SH3RF2: variants seen among roughly 807,000 people sequenced by gnomAD.
SH3RF2 encodes E3 ubiquitin-protein ligase SH3RF2.
Under a neutral mutation model 59.0 loss-of-function variants are expected in SH3RF2, and 43 were observed. That is an observed-to-expected ratio of 0.73 (90% CI 0.57 to 0.94). The LOEUF is 0.94. Among genes scored for constraint, SH3RF2 ranks in the 40% least tolerant of loss-of-function variants. The pLI, the probability that SH3RF2 is intolerant of heterozygous loss-of-function variation, is 0.00. For synonymous variants in SH3RF2, 391 were observed against 391.5 expected, an observed-to-expected ratio of 1.00 and a Z score of 0.01; for missense variants, 930 against 940.1, an observed-to-expected ratio of 0.99 and a Z score of 0.14.
rs769139489 is a variant in SH3RF2, at chr5:146,049,077, T to C, written c.1154T>C (p.Phe385Ser). Residue 385 changes from phenylalanine to serine, a missense_variant and splice_region_variant, in exon 7 of 10, where the codon TTT becomes TCT. Physicochemically the swap from Phe to Ser is radical, Grantham distance 155. Coordinates refer to ENST00000359120, the MANE Select transcript of SH3RF2 (RefSeq NM_152550.4). ...GSQQHLSANMFVALHSYSAHG... is the reference protein window; with the variant it reads ...GSQQHLSANMSVALHSYSAHG... ...ACCAGTTCTCTGTGTCTTCCCAGGT[T>C]TGTAGCCCTGCACTCCTACTCAGCC... 4 of 1,613,972 alleles carry C rather than the reference T, an allele frequency of 2.5e-6. No individual in the cohort carries two copies. The Admixed American group carries it at 6.7e-5, about 27-fold the overall frequency.
At chr5:145,973,637 G>T (rs1237569467) in intron 2 of SH3RF2, among the ~76,000 whole-genome samples, 1 of 152,164 alleles carries the variant, frequency 6.6e-6, no homozygotes, top group Admixed American at 6.5e-5. Flanking sequence ...TTTCTCCAAG[G>T]ATTCTTGAGC....
At chr5:145,998,281 TAAAA>T (rs35018423) in intron 2 of SH3RF2, among the ~76,000 whole-genome samples, 45 of 140,318 alleles carry the variant, frequency 3.2e-4, no homozygotes, top group Admixed American at 3.5e-4. Context: ...GGCCCATAGT[TAAAA>T]AAAAAAAAAA....
intron 9 of SH3RF2, among the ~76,000 whole-genome samples, chr5:146,070,244 A>G (rs1328685386): frequency 6.6e-6 from 1 of 152,172 alleles, no homozygotes; most frequent in East Asian, 1.9e-4. Context: ...AATGGCAACT[A>G]TCAACGTGGT....
At chr5:145,998,850 G>A (rs1187115163) in intron 2 of SH3RF2, among the ~76,000 whole-genome samples, 1 of 152,176 alleles carries the variant, frequency 6.6e-6, no homozygotes, top group Non-Finnish European at 1.5e-5. Context: ...GGTGGAGGTT[G>A]CAGTGAGCTG....
intron 2 of SH3RF2, among the ~76,000 whole-genome samples, chr5:145,954,047 C>T (rs1274447208): frequency 1.3e-5 from 2 of 152,066 alleles, no homozygotes; most frequent in African/African-American, 4.8e-5. Flanking sequence ...GTGGTAGATG[C>T]TTTATATTTC....
At chr5:146,064,751 G>GA (rs371445654), downstream of SH3RF2, among the ~76,000 whole-genome samples, 142 of 6,512 alleles carry the variant, frequency 0.022, 2 homozygotes, top group Non-Finnish European at 0.066. Flanking sequence ...AGGAAGGAAG[G>GA]AAGGAAGGAA....
intron 2 of SH3RF2, among the ~76,000 whole-genome samples, chr5:145,991,412 T>C (rs760254371): frequency 1.0e-3 from 154 of 152,338 alleles, no homozygotes; most frequent in Non-Finnish European, 5.3e-4. Flanking sequence ...TAAATGTTAA[T>C]TTCCTTTCCT....
At chr5:145,972,627 A>G (rs1759132476) in intron 2 of SH3RF2, among the ~76,000 whole-genome samples, 1 of 152,180 alleles carries the variant, frequency 6.6e-6, no homozygotes, top group Non-Finnish European at 1.5e-5. Flanking sequence ...ACACTGACTC[A>G]AGAGTTGAGT....
chr5:146,053,884 G>A (rs1762581812), intron 7 of SH3RF2, among the ~76,000 whole-genome samples: 1 of 152,186 alleles, frequency 6.6e-6, no homozygotes, highest in Middle Eastern at 3.2e-3. Flanking sequence ...CTTACTGGGA[G>A]GCTGCTGCCA....
chr5:145,964,512 G>T (rs1191679744), intron 2 of SH3RF2, among the ~76,000 whole-genome samples: 2 of 151,898 alleles, frequency 1.3e-5, no homozygotes, highest in African/African-American at 4.8e-5. Flanking sequence ...TCGCCATGTT[G>T]ACCAGGCTGG....
chr5:145,943,949 C>CG (rs1757915291), intron 2 of SH3RF2, among the ~76,000 whole-genome samples: 1 of 152,122 alleles, frequency 6.6e-6, no homozygotes, highest in South Asian at 2.1e-4. Flanking sequence ...CCCACCTGTC[C>CG]GTTCATGCTA....
intron 2 of SH3RF2, among the ~76,000 whole-genome samples, chr5:145,998,790 A>G (rs1486802235): frequency 6.6e-6 from 1 of 152,138 alleles, no homozygotes; most frequent in Non-Finnish European, 1.5e-5. Context: ...GTGCGCCTGT[A>G]ATCCCAGCTA....
At chr5:145,991,299 A>G (rs989666687) in intron 2 of SH3RF2, among the ~76,000 whole-genome samples, 1 of 152,194 alleles carries the variant, frequency 6.6e-6, no homozygotes, top group Non-Finnish European at 1.5e-5. Flanking sequence ...GGATAATACT[A>G]TCTACTTCAT....
At chr5:145,997,924 G>T in intron 2 of SH3RF2, 1 of 821,740 alleles carries the variant, frequency 1.2e-6, no homozygotes, top group South Asian at 1.3e-5. Flanking sequence ...TCCACCTCAG[G>T]TGCTACACAG....
At position 146,004,110 on chromosome 5, in the gene SH3RF2, A is replaced by G. The variant is rs777944561; in HGVS notation, c.701A>G (p.Lys234Arg). The G allele has an allele frequency of 4.3e-5, 69 of 1,613,042 alleles. No individual in the cohort carries two copies. Among genetic ancestry groups the G allele is most frequent in the Non-Finnish European group, 5.8e-5 (68 of 1,179,246 alleles). ...SRVDENWAEGKLGDKVGIFPI... is the reference protein window; with the variant it reads ...SRVDENWAEGRLGDKVGIFPI... ...GTGGATGAGAACTGGGCAGAAGGCAAGTTAGGAGATAAAGTAGGCATCTTC... is the reference window on the plus strand; with the variant it reads ...GTGGATGAGAACTGGGCAGAAGGCAGGTTAGGAGATAAAGTAGGCATCTTC... Residue 234 changes from lysine to arginine, a missense_variant, in exon 4 of 10, where the codon AAG (lysine) becomes AGG (arginine). By Grantham distance (26) the Lys-to-Arg change is conservative (BLOSUM62 2). Coordinates refer to ENST00000359120, the MANE Select transcript of SH3RF2 (RefSeq NM_152550.4).
At chr5:146,012,050 G>T (rs557971562) in intron 4 of SH3RF2, among the ~76,000 whole-genome samples, 1 of 152,062 alleles carries the variant, frequency 6.6e-6, no homozygotes, top group East Asian at 1.9e-4. Flanking sequence ...TTTGAGATAC[G>T]TCCCATCAAT....
At chr5:145,941,243 T>C (rs1289067487) in intron 2 of SH3RF2, among the ~76,000 whole-genome samples, 8 of 152,272 alleles carry the variant, frequency 5.3e-5, no homozygotes, top group Non-Finnish European at 1.2e-4. Flanking sequence ...CTCTTTTTGT[T>C]GGCTCAAAGA....
chr5:146,054,135 G>C (rs1339930737), intron 7 of SH3RF2, among the ~76,000 whole-genome samples: 4 of 152,166 alleles, frequency 2.6e-5, no homozygotes, highest in African/African-American at 4.8e-5. Flanking sequence ...TGATAGCAAA[G>C]TGTTTTGACA....
chr5:146,071,783 C>T (rs547700818), intron 9 of SH3RF2, among the ~76,000 whole-genome samples: 116 of 152,272 alleles, frequency 7.6e-4, no homozygotes, highest in African/African-American at 2.5e-3. Flanking sequence ...AACCCTAGAC[C>T]TCGTTTTCTC....
Sources: gnomAD v4.1 joint callset for allele counts (sites outside exome capture counted in the v4.1 genomes callset) on GRCh38, gnomAD v4.1.1 for gene constraint, MANE v1.5 for transcripts, NCBI Gene and HGNC (gene_info 2026-07-23, HGNC 2026-07-21) for gene names.